Variants in CSMD1 observed in about 807,000 individuals in gnomAD.
CSMD1 encodes the protein CUB and sushi domain-containing protein 1.
Under a neutral mutation model 417.5 loss-of-function variants are expected in CSMD1, and 213 were observed. The ratio of observed to expected loss-of-function variants is 0.51; its 90% CI spans 0.46 to 0.57. CSMD1 has a LOEUF of 0.57. Among genes scored for constraint, CSMD1 ranks in the 20% least tolerant of loss-of-function variants. The pLI, the probability that CSMD1 is intolerant of heterozygous loss-of-function variation, is 0.00. For synonymous variants in CSMD1, 2,862 were observed against 1,736.8 expected, an observed-to-expected ratio of 1.65 and a Z score of -16.11; for missense variants, 6,923 against 4,529.7, an observed-to-expected ratio of 1.53 and a Z score of -15.17.
intron 3 of CSMD1, among the ~76,000 whole-genome samples, chr8:4,273,491 T>C (rs1344015653): frequency 1.3e-5 from 2 of 152,160 alleles, no homozygotes; most frequent in African/African-American, 2.4e-5. Context: ...TAAACTTATT[T>C]TGAGAGTTAA....
chr8:4,283,725 C>T (rs1242992466), intron 3 of CSMD1, among the ~76,000 whole-genome samples: 1 of 152,034 alleles, frequency 6.6e-6, no homozygotes. Flanking sequence ...CTTTTTAACT[C>T]CTCAAGGAAT....
At chr8:3,318,527 A>C (rs929120538) in intron 23 of CSMD1, among the ~76,000 whole-genome samples, 3 of 152,204 alleles carry the variant, frequency 2.0e-5, no homozygotes, top group Admixed American at 2.0e-4. Context: ...ATTCCCTATT[A>C]AAAGGATGCC....
intron 3 of CSMD1, among the ~76,000 whole-genome samples, chr8:4,061,063 A>G (rs778386085): frequency 7.5e-5 from 3 of 39,902 alleles, no homozygotes; most frequent in East Asian, 6.8e-4. Flanking sequence ...AATGCCATCT[A>G]CATTTAATTT....
intron 1 of CSMD1, among the ~76,000 whole-genome samples, chr8:4,809,149 A>G (rs1351680699): frequency 6.6e-6 from 1 of 152,206 alleles, no homozygotes; most frequent in African/African-American, 2.4e-5. Context: ...TTCAGGGACA[A>G]CTGTTACATA....
intron 3 of CSMD1, among the ~76,000 whole-genome samples, chr8:4,111,620 G>A (rs955476719): frequency 2.6e-5 from 4 of 152,116 alleles, no homozygotes; most frequent in African/African-American, 9.7e-5. Context: ...TCCTTTGTAG[G>A]GACGTGGATG....
chr8:3,652,821 C>A (rs1318836152), intron 7 of CSMD1, among the ~76,000 whole-genome samples: 1 of 152,284 alleles, frequency 6.6e-6, no homozygotes, highest in East Asian at 1.9e-4. Flanking sequence ...GGGGGCAAGA[C>A]TTTGTTTTGC....
chr8:4,160,070 C>T (rs1353766596), intron 3 of CSMD1, among the ~76,000 whole-genome samples: 3 of 148,000 alleles, frequency 2.0e-5, no homozygotes, highest in African/African-American at 2.5e-5. Context: ...ACCTGTTCTC[C>T]AAAAGTATGG....
intron 49 of CSMD1, among the ~76,000 whole-genome samples, chr8:3,076,032 CAG>C (rs1405885498): frequency 6.8e-6 from 1 of 148,074 alleles, no homozygotes; most frequent in Non-Finnish European, 1.5e-5. Flanking sequence ...GCCTGGGCGA[CAG>C]AGCGAGACTC....
intron 1 of CSMD1, among the ~76,000 whole-genome samples, chr8:4,854,875 A>G (rs956188400): frequency 2.6e-5 from 4 of 152,196 alleles, no homozygotes; most frequent in African/African-American, 9.6e-5. Context: ...TTAGGTAAAC[A>G]AAGCAGCCAG....
At chr8:4,826,676 C>T (rs933192483) in intron 1 of CSMD1, among the ~76,000 whole-genome samples, 4 of 152,086 alleles carry the variant, frequency 2.6e-5, no homozygotes, top group Non-Finnish European at 4.4e-5. Context: ...CTTTCCTTCC[C>T]ACTCATTCTA....
chr8:3,799,200 A>G (rs1217595747), intron 5 of CSMD1, among the ~76,000 whole-genome samples: 1 of 152,100 alleles, frequency 6.6e-6, no homozygotes, highest in East Asian at 1.9e-4. Context: ...GAGGAATAGC[A>G]CATAACTTAC....
intron 10 of CSMD1, among the ~76,000 whole-genome samples, chr8:3,505,899 C>G (rs927852672): frequency 2.0e-5 from 3 of 152,260 alleles, no homozygotes; most frequent in Admixed American, 6.5e-5. Context: ...AAAACAGTTA[C>G]TTAAGGAGGT....
intron 49 of CSMD1, among the ~76,000 whole-genome samples, chr8:3,081,425 A>G (rs1814087519): frequency 6.6e-6 from 1 of 152,220 alleles, no homozygotes; most frequent in African/African-American, 2.4e-5. Context: ...TTAAGTTCCC[A>G]ATGCCACAAA....
chr8:4,964,203 A>C (rs893124861), intron 1 of CSMD1, among the ~76,000 whole-genome samples: 21 of 152,094 alleles, frequency 1.4e-4, no homozygotes, highest in African/African-American at 5.1e-4. Context: ...AATACATTTT[A>C]GAGCAAAATG....
At chr8:3,577,986 T>C (rs768684150) in intron 9 of CSMD1, among the ~76,000 whole-genome samples, 1 of 152,106 alleles carries the variant, frequency 6.6e-6, no homozygotes, top group Non-Finnish European at 1.5e-5. Flanking sequence ...GTCCACACGG[T>C]GGTGAACAGA....
intron 5 of CSMD1, among the ~76,000 whole-genome samples, chr8:3,895,368 A>C (rs912499088): frequency 1.3e-5 from 2 of 152,170 alleles, no homozygotes; most frequent in Non-Finnish European, 1.5e-5. Flanking sequence ...CACAAGGGAA[A>C]TATTTTATAT....
chr8:4,829,775 G>A (rs897871900), intron 1 of CSMD1, among the ~76,000 whole-genome samples: 1 of 150,718 alleles, frequency 6.6e-6, no homozygotes, highest in African/African-American at 2.4e-5. Context: ...CATTTATGTA[G>A]CTGTTTCACA....
At chr8:4,594,193 A>ATT (rs1213486937) in intron 2 of CSMD1, among the ~76,000 whole-genome samples, 1 of 88,108 alleles carries the variant, frequency 1.1e-5, no homozygotes, top group Non-Finnish European at 2.4e-5. Flanking sequence ...TTCTAAAGTG[A>ATT]TCTTTTTTTT....
At position 4,627,081 on chromosome 8, in the gene CSMD1, T is replaced by C. The variant is rs142121163; in HGVS notation, c.302+10261A>G. ...GTGAATAACTCACATATTTTGTATA[T>C]AGCATTCATTCCCTTTGAACTTATT... On this transcript the variant is annotated intron_variant, in intron 2 of 69. Transcript: ENST00000635120. Among the ~76,000 whole-genome samples the C allele has an allele frequency of 5.2e-3, 799 of 152,310 alleles. 16 individuals are homozygous for C. The highest frequency in any genetic ancestry group is 0.018 in the African/African-American group (764 of 41,566).
Sources: allele counts gnomAD v4.1 joint callset (sites outside exome capture counted in the v4.1 genomes callset), GRCh38; gene constraint gnomAD v4.1.1; transcripts MANE v1.5; gene names NCBI Gene and HGNC (gene_info 2026-07-23, HGNC 2026-07-21).